The following DOCK1 variants were observed in gnomAD, a reference collection of about 807,000 sequenced individuals.
DOCK1 encodes dedicator of cytokinesis 1, also known as dedicator of cytokinesis protein 1.
A neutral mutation model predicts 262.7 loss-of-function variants in DOCK1; 138 were observed. The ratio of observed to expected loss-of-function variants is 0.53; its 90% CI spans 0.46 to 0.61. DOCK1 has a LOEUF of 0.61. Among genes scored for constraint, DOCK1 ranks in the 20% least tolerant of loss-of-function variants. The pLI is 0.00. For synonymous variants in DOCK1, 866 were observed against 867.4 expected (o/e 1.00, Z 0.03); for missense variants, 1,908 against 2,370.7 (o/e 0.80, Z 4.05).
At chr10:126,938,682 T>A (rs1185634615) in intron 1 of DOCK1, among the ~76,000 whole-genome samples, 2 of 152,180 alleles carry the variant, frequency 1.3e-5, no homozygotes, top group African/African-American at 4.8e-5. Context: ...TAGCAAATTC[T>A]GTGTCTAATG....
intron 33 of DOCK1, among the ~76,000 whole-genome samples, chr10:127,366,577 G>T (rs1372775480): frequency 6.6e-6 from 1 of 152,184 alleles, no homozygotes; most frequent in Non-Finnish European, 1.5e-5. Flanking sequence ...CTCTTGACTT[G>T]CTCTATCTAT....
chr10:127,362,740 T>C (rs2064537905), intron 33 of DOCK1, among the ~76,000 whole-genome samples: 1 of 151,842 alleles, frequency 6.6e-6, no homozygotes, highest in Non-Finnish European at 1.5e-5. Flanking sequence ...CTCTGCTGCA[T>C]AACTTATGCT....
At chr10:126,949,399 G>A (rs1591411193) in intron 1 of DOCK1, among the ~76,000 whole-genome samples, 1 of 152,224 alleles carries the variant, frequency 6.6e-6, no homozygotes, top group South Asian at 2.1e-4. Flanking sequence ...TGTCCCTTCA[G>A]CCCTGAGCCT....
At chr10:126,974,350 A>T (rs1441805540) in intron 2 of DOCK1, among the ~76,000 whole-genome samples, 2 of 152,162 alleles carry the variant, frequency 1.3e-5, no homozygotes, top group Non-Finnish European at 2.9e-5. Flanking sequence ...TAATTTATTC[A>T]ACTCTTTAAA....
chr10:127,027,973 G>T (rs1337481152), intron 16 of DOCK1, among the ~76,000 whole-genome samples: 3 of 151,452 alleles, frequency 2.0e-5, no homozygotes, highest in Non-Finnish European at 4.4e-5. Flanking sequence ...AATGGCAGAT[G>T]TGTGTGTGGT....
intron 22 of DOCK1, among the ~76,000 whole-genome samples, chr10:127,054,815 T>G (rs2045023077): frequency 6.6e-6 from 1 of 152,258 alleles, no homozygotes; most frequent in Non-Finnish European, 1.5e-5. Context: ...TTTGATGATC[T>G]GCATATTCTC....
At chr10:127,283,122 C>T (rs1004416082) in intron 29 of DOCK1, among the ~76,000 whole-genome samples, 13 of 152,234 alleles carry the variant, frequency 8.5e-5, no homozygotes, top group African/African-American at 2.9e-4. Context: ...CTGCTTTGCT[C>T]TGGAAGGAGG....
intron 29 of DOCK1, among the ~76,000 whole-genome samples, chr10:127,317,693 G>C (rs567120760): frequency 1.3e-5 from 2 of 149,020 alleles, no homozygotes; most frequent in African/African-American, 2.4e-5. Flanking sequence ...GCCTCATATA[G>C]TTGGGTTAGT....
intron 21 of DOCK1, among the ~76,000 whole-genome samples, chr10:127,047,851 C>T (rs1028013717): frequency 5.9e-5 from 9 of 152,162 alleles, no homozygotes; most frequent in Admixed American, 5.9e-4. Context: ...TGATTTTGCT[C>T]CTCTCTATTT....
At chr10:127,278,183 G>GT (rs2060814262) in intron 29 of DOCK1, among the ~76,000 whole-genome samples, 1 of 152,142 alleles carries the variant, frequency 6.6e-6, no homozygotes, top group Non-Finnish European at 1.5e-5. Context: ...TCACTGGCCA[G>GT]TGTCCAGTGT....
At chr10:127,077,033 A>G (rs2046604366) in intron 23 of DOCK1, among the ~76,000 whole-genome samples, 1 of 152,130 alleles carries the variant, frequency 6.6e-6, no homozygotes, top group African/African-American at 2.4e-5. Flanking sequence ...AAGGAGGATG[A>G]TTCTTGAAAG....
chr10:127,429,040 T>TGGATTGGGGTGTCGTGTGGATTGGGGTGC (rs2069087633), intron 47 of DOCK1, among the ~76,000 whole-genome samples: 1 of 43,326 alleles, frequency 2.3e-5, no homozygotes. Flanking sequence ...GATTGGGGTG[T>TGGATTGGGGTGTCGTGTGGATTGGGGTGC]CATGTGGATT....
intron 38 of DOCK1, among the ~76,000 whole-genome samples, chr10:127,386,605 T>A (rs2066135984): frequency 1.3e-5 from 2 of 151,878 alleles, no homozygotes; most frequent in Non-Finnish European, 2.9e-5. Flanking sequence ...GTCTCCCATC[T>A]TCCCCTGATG....
chr10:127,059,880 TA>T, intron 22 of DOCK1, among the ~76,000 whole-genome samples: 1 of 152,316 alleles, frequency 6.6e-6, no homozygotes, highest in Non-Finnish European at 1.5e-5. Context: ...TGTTTGTATG[TA>T]AAACTGTAGA....
At chr10:127,339,733 G>A (rs2766068) in intron 30 of DOCK1, among the ~76,000 whole-genome samples, 1,694 of 109,330 alleles carry the variant, frequency 0.015, 44 homozygotes, top group African/African-American at 0.047. Context: ...GTGTGTGTGT[G>A]TGCATGCTGT....
At chr10:127,141,072 C>G (rs1340848749) in intron 27 of DOCK1, among the ~76,000 whole-genome samples, 3 of 152,174 alleles carry the variant, frequency 2.0e-5, no homozygotes, top group Admixed American at 6.5e-5. Flanking sequence ...TTATCACTTT[C>G]TCCCCACCTG....
chr10:127,247,866 G>C (rs1050455338), intron 27 of DOCK1, 142 bp from the exon 28 acceptor site: 2 of 710,340 alleles, frequency 2.8e-6, no homozygotes, highest in Non-Finnish European at 4.8e-6. Context: ...CCCTGAGAGA[G>C]GGGCAGCAGA....
intron 27 of DOCK1, among the ~76,000 whole-genome samples, chr10:127,164,510 C>G (rs1048426594): frequency 1.3e-5 from 2 of 152,144 alleles, no homozygotes; most frequent in African/African-American, 4.8e-5. Flanking sequence ...TTGCTCCTCT[C>G]TGTAGCCCTG....
At chr10:127,161,323 G>GACTA (rs2053575929) in intron 27 of DOCK1, among the ~76,000 whole-genome samples, 1 of 152,132 alleles carries the variant, frequency 6.6e-6, no homozygotes, top group African/African-American at 2.4e-5. Context: ...CAACTCCCAG[G>GACTA]ATCACCCCTT....
Sources: gnomAD v4.1 joint callset for allele counts (sites outside exome capture counted in the v4.1 genomes callset) on GRCh38, gnomAD v4.1.1 for gene constraint, MANE v1.5 for transcripts, NCBI Gene and HGNC (gene_info 2026-07-23, HGNC 2026-07-21) for gene names.